SNTG1: variants seen among roughly 807,000 people sequenced by gnomAD.
SNTG1 encodes gamma-1-syntrophin.
In SNTG1, 39 loss-of-function variants were observed where a neutral mutation model predicts 74.7. The observed-to-expected ratio is 0.52, with a 90% CI of 0.40 to 0.68. SNTG1 has a LOEUF of 0.68. Among genes scored for constraint, SNTG1 ranks in the 30% least tolerant of loss-of-function variants. The pLI is 0.00. For missense variants in SNTG1, 685 were observed against 609.5 expected (o/e 1.12, Z -1.30); for synonymous variants, 254 against 217.1 (o/e 1.17, Z -1.49).
chr8:50,768,476 A>G (rs2095619237), intron 18 of SNTG1, among the ~76,000 whole-genome samples: 1 of 152,038 alleles, frequency 6.6e-6, no homozygotes, highest in Admixed American at 6.6e-5. Flanking sequence ...ATGGCTGGTA[A>G]TCTAAATGAA....
chr8:50,683,756 G>A (rs537624609), intron 15 of SNTG1, among the ~76,000 whole-genome samples: 1 of 152,342 alleles, frequency 6.6e-6, no homozygotes, highest in South Asian at 2.1e-4. Flanking sequence ...ATAAGTTGCA[G>A]TGGAGGGACA....
chr8:50,164,168 TA>T (rs1016192618), intron 1 of SNTG1: 13 of 143,366 alleles, frequency 9.1e-5, no homozygotes, highest in African/African-American at 3.5e-4. Flanking sequence ...TGGTCAGAAG[TA>T]AAAATGAACA....
At chr8:50,651,879 A>G (rs1439872820) in intron 13 of SNTG1, among the ~76,000 whole-genome samples, 1 of 151,774 alleles carries the variant, frequency 6.6e-6, no homozygotes, top group East Asian at 1.9e-4. Context: ...TCCCAGGTTC[A>G]AGTGATTCTC....
At chr8:50,768,744 G>T (rs778677467) in intron 18 of SNTG1, among the ~76,000 whole-genome samples, 4 of 152,028 alleles carry the variant, frequency 2.6e-5, no homozygotes, top group African/African-American at 4.8e-5. Flanking sequence ...ATGAGGATGA[G>T]GCAGAGCATC....
intron 1 of SNTG1, among the ~76,000 whole-genome samples, chr8:49,994,554 C>T (rs1585812587): frequency 6.6e-6 from 1 of 151,700 alleles, no homozygotes; most frequent in Non-Finnish European, 1.5e-5. Context: ...AGTGAGCCAC[C>T]GTGCCTGGCC....
At chr8:50,193,662 T>G (rs2083660426) in intron 2 of SNTG1, among the ~76,000 whole-genome samples, 2 of 152,250 alleles carry the variant, frequency 1.3e-5, no homozygotes, top group Non-Finnish European at 1.5e-5. Flanking sequence ...TGCCCTTTAT[T>G]TCTTCCTTTT....
intron 2 of SNTG1, among the ~76,000 whole-genome samples, chr8:50,264,931 T>A (rs2087387033): frequency 6.6e-6 from 1 of 152,048 alleles, no homozygotes; most frequent in South Asian, 2.1e-4. Flanking sequence ...AGTAACTCAT[T>A]AAGAAATACA....
chr8:50,778,896 G>A (rs1324111714), intron 18 of SNTG1, among the ~76,000 whole-genome samples: 1 of 152,058 alleles, frequency 6.6e-6, no homozygotes, highest in Non-Finnish European at 1.5e-5. Context: ...TGTAAGGAAG[G>A]GATCCAGTTT....
intron 2 of SNTG1, among the ~76,000 whole-genome samples, chr8:50,197,162 T>A (rs1460931524): frequency 6.6e-6 from 1 of 152,202 alleles, no homozygotes; most frequent in African/African-American, 2.4e-5. Flanking sequence ...TATTTTTCTT[T>A]GTGGTCTTCA....
rs138959195 is a variant in SNTG1, at chr8:49,938,603, T to TTTTC, written c.-103+26409_-103+26412dup. The stretch of plus-strand genomic sequence containing the variant: ...TTTTCTTTTCTTTTCTTTTCTTTTC[T>TTTTC]TTTCTTTCTTTCTTTCTTTCTTTCT... On this transcript the variant is annotated intron_variant, in intron 1 of 18. Coordinates refer to ENST00000642720, the MANE Select transcript of SNTG1 (RefSeq NM_018967.5). 1.5e-3 allele frequency among the ~76,000 whole-genome samples: 115 copies of TTTTC among 74,756 alleles called. 9 individuals are homozygous for TTTTC. Among genetic ancestry groups the TTTTC allele is most frequent in the African/African-American group, 9.9e-4 (22 of 22,134 alleles). The allele number at this position is 74,756 out of a possible 152,430, so 49.0% of individuals were successfully genotyped here.
chr8:50,118,086 C>A (rs1208200414), intron 1 of SNTG1, among the ~76,000 whole-genome samples: 1 of 152,224 alleles, frequency 6.6e-6, no homozygotes, highest in African/African-American at 2.4e-5. Flanking sequence ...GATTTATGAA[C>A]AATCTATTTG....
chr8:50,643,293 C>G (rs1015330540), intron 13 of SNTG1, among the ~76,000 whole-genome samples: 1 of 152,170 alleles, frequency 6.6e-6, no homozygotes, highest in Admixed American at 6.5e-5. Context: ...CTCCAAAAGG[C>G]CCTGGCATAG....
intron 1 of SNTG1, among the ~76,000 whole-genome samples, chr8:50,050,463 C>A (rs1184818407): frequency 6.6e-6 from 1 of 151,928 alleles, no homozygotes; most frequent in African/African-American, 2.4e-5. Flanking sequence ...TAATTAATAA[C>A]CTTCCAAAAC....
Position 50,796,072 on chromosome 8 carries a change from A to T in SNTG1, c.*3243A>T, listed in dbSNP as rs1802798352. 6.6e-6 allele frequency: 1 copy of T among 152,036 alleles called. No homozygotes were observed. Among genetic ancestry groups the T allele is most frequent in the Non-Finnish European group, 1.5e-5 (1 of 67,952 alleles). 9.4% of individuals were successfully genotyped at this position (152,036 alleles called of 1,614,324 possible). On this transcript the variant is annotated 3_prime_UTR_variant, in exon 19 of 19. Transcript: ENST00000642720. ...TGGGTGCATTAGTTTATAGATCAACATTTCCCTCATTTACAGTGCTGAAGC... is the reference window on the plus strand; with the variant it reads ...TGGGTGCATTAGTTTATAGATCAACTTTTCCCTCATTTACAGTGCTGAAGC...
In SNTG1 at chr8:50,701,819, T is replaced by TCTCCTCCTC. The variant is rs748825249; in HGVS notation, c.1039-2766_1039-2758dup. ...CTCCTCCTCTTCTTCTTCTTCTTCT[T>TCTCCTCCTC]CTCCTCCTCCTCCTCCTCCTCCTTC... On this transcript the variant is annotated intron_variant, in intron 15 of 18. Transcript: ENST00000642720. Among the ~76,000 whole-genome samples the TCTCCTCCTC allele has an allele frequency of 2.8e-5, 4 of 144,388 alleles. No individual in the cohort carries two copies. In the East Asian group the frequency reaches 8.0e-4, roughly 29 times the overall value. The allele number at this position is 144,388 out of a possible 152,430, so 94.7% of individuals were successfully genotyped here. A position where few individuals can be genotyped will look rare whatever the true frequency, so the allele number is the denominator to read the frequency against.
chr8:50,791,851 T>A (rs979446553), intron 18 of SNTG1, among the ~76,000 whole-genome samples: 2 of 151,840 alleles, frequency 1.3e-5, no homozygotes, highest in African/African-American at 4.8e-5. Context: ...TTATTGATGG[T>A]CTTTAATAAT....
chr8:50,639,911 A>C (rs943388283), intron 13 of SNTG1, among the ~76,000 whole-genome samples: 17 of 152,218 alleles, frequency 1.1e-4, no homozygotes, highest in Admixed American at 6.5e-4. Flanking sequence ...GATAGGTTTT[A>C]CTTTTTTCAG....
intron 1 of SNTG1, among the ~76,000 whole-genome samples, chr8:50,117,153 A>G (rs1013517729): frequency 6.6e-6 from 1 of 151,960 alleles, no homozygotes; most frequent in Non-Finnish European, 1.5e-5. Context: ...CTAATCACTC[A>G]GCTGAATGTG....
intron 17 of SNTG1, among the ~76,000 whole-genome samples, chr8:50,735,210 T>A (rs2095525234): frequency 6.6e-6 from 1 of 151,728 alleles, no homozygotes; most frequent in East Asian, 2.0e-4. Context: ...GAGGCTAACA[T>A]TGGATCTAAA....
Sources: gnomAD v4.1 joint callset for allele counts (sites outside exome capture counted in the v4.1 genomes callset) on GRCh38, gnomAD v4.1.1 for gene constraint, MANE v1.5 for transcripts, NCBI Gene and HGNC (gene_info 2026-07-23, HGNC 2026-07-21) for gene names.